The following PDZRN3 variants were observed in gnomAD, a reference collection of about 807,000 sequenced individuals.
PDZRN3 encodes E3 ubiquitin-protein ligase PDZRN3.
In PDZRN3, 38 loss-of-function variants were observed where a neutral mutation model predicts 85.7. That is an observed-to-expected ratio of 0.44 (90% CI 0.34 to 0.58). PDZRN3 has a LOEUF of 0.58. Among genes scored for constraint, PDZRN3 ranks in the 20% least tolerant of loss-of-function variants. PDZRN3 has a pLI of 0.01. For synonymous variants in PDZRN3, 759 were observed against 638.0 expected (o/e 1.19, Z -2.86); for missense variants, 1,629 against 1,506.4 (o/e 1.08, Z -1.35).
intron 3 of PDZRN3, among the ~76,000 whole-genome samples, chr3:73,525,017 GTATT>G (rs2106739104): frequency 6.8e-6 from 1 of 147,844 alleles, no homozygotes; most frequent in East Asian, 2.0e-4. Context: ...AAATATATAT[GTATT>G]TATATAAATA....
At chr3:73,593,664 T>C (rs558105183) in intron 3 of PDZRN3, among the ~76,000 whole-genome samples, 1 of 151,294 alleles carries the variant, frequency 6.6e-6, no homozygotes, top group Admixed American at 6.6e-5. Flanking sequence ...AAAGACACTT[T>C]TAAATTACCA....
chr3:73,416,875 G>GTTTTTTTTTTTTTTTTTTTTTTTTTTT (rs1491373717), intron 3 of PDZRN3, among the ~76,000 whole-genome samples: 5 of 40,750 alleles, frequency 1.2e-4, no homozygotes, highest in Non-Finnish European at 2.6e-4. Context: ...GTTTTTTTTT[G>GTTTTTTTTTTTTTTTTTTTTTTTTTTT]GTTTTTTTTT....
intron 3 of PDZRN3, among the ~76,000 whole-genome samples, chr3:73,530,001 C>T (rs1175255902): frequency 6.6e-6 from 1 of 152,214 alleles, no homozygotes; most frequent in Non-Finnish European, 1.5e-5. Context: ...TAAATGTTAG[C>T]TGTCACCATC....
intron 1 of PDZRN3, among the ~76,000 whole-genome samples, chr3:73,612,081 T>C (rs938551756): frequency 2.2e-5 from 3 of 136,188 alleles, no homozygotes; most frequent in Non-Finnish European, 4.4e-5. Flanking sequence ...TTGGGTAGTT[T>C]ATCATAACCC....
chr3:73,624,474 C>T lies in PDZRN3; in HGVS notation c.352G>A (p.Gly118Ser). ...ACGTCGCGCCGCAGCAGCACCTGGC[C>T]GCAACCCGCGTGGCGACAGCGCGCG... ...APARCRHAGC[G>S]QVLLRRDVEA... The change falls in exon 1 of 10, where the codon GGC becomes AGC. Residue 118 changes from glycine to serine, a missense_variant. Physicochemically the swap from Gly to Ser is moderately conservative, Grantham distance 56. Transcript: ENST00000263666. 2.2e-6 allele frequency: 3 copies of T among 1,393,386 alleles called. No homozygotes were observed. Among genetic ancestry groups the T allele is most frequent in the Non-Finnish European group, 2.8e-6 (3 of 1,082,028 alleles). 86.3% of individuals were successfully genotyped at this position (1,393,386 alleles called of 1,614,324 possible). A position where few individuals can be genotyped will look rare whatever the true frequency, so the allele number is the denominator to read the frequency against.
At chr3:73,566,876 T>G (rs1012349059) in intron 3 of PDZRN3, among the ~76,000 whole-genome samples, 1 of 152,174 alleles carries the variant, frequency 6.6e-6, no homozygotes, top group East Asian at 1.9e-4. Context: ...ATTTTGACCA[T>G]GAGGAGACTA....
chr3:73,561,749 C>T (rs979662077), intron 3 of PDZRN3: 1 of 152,066 alleles, frequency 6.6e-6, no homozygotes, highest in Non-Finnish European at 1.5e-5. Flanking sequence ...ACTTGTCTAC[C>T]CCATTTTCTG....
intron 5 of PDZRN3, among the ~76,000 whole-genome samples, chr3:73,399,835 C>A (rs1042886894): frequency 2.0e-5 from 3 of 152,152 alleles, no homozygotes; most frequent in Admixed American, 1.3e-4. Context: ...CCACTGGCAA[C>A]AAGTCCTTTG....
At chr3:73,593,486 C>CG (rs1290367996) in intron 3 of PDZRN3, among the ~76,000 whole-genome samples, 1 of 152,066 alleles carries the variant, frequency 6.6e-6, no homozygotes, top group Non-Finnish European at 1.5e-5. Flanking sequence ...AGACACTCTG[C>CG]CAAAGAGAAG....
intron 3 of PDZRN3, among the ~76,000 whole-genome samples, chr3:73,495,182 T>C (rs1157048296): frequency 6.6e-6 from 1 of 152,190 alleles, no homozygotes; most frequent in African/African-American, 2.4e-5. Flanking sequence ...TGAAAAACAA[T>C]CATTTTACAA....
At position 73,383,759 on chromosome 3, in the gene PDZRN3, C is replaced by T. The variant is rs1329969148; in HGVS notation, c.2807G>A (p.Arg936Lys). The stretch of plus-strand genomic sequence containing the variant: ...CCGCAGCAGGCGGTCCCGCACGGGC[C>T]TCTTGGTGATGTAGCGCGTCCCGTC... ...RSDGTRYITK[R>K]PVRDRLLRER... Residue 936 changes from arginine to lysine, a missense_variant, in exon 10 of 10, where the codon AGG (arginine) becomes AAG (lysine). Physicochemically the swap from Arg to Lys is conservative, Grantham distance 26. Coordinates refer to ENST00000263666, the MANE Select transcript of PDZRN3 (RefSeq NM_015009.3). The T allele has an allele frequency of 5.6e-6, 9 of 1,612,818 alleles. No homozygotes were observed. Among genetic ancestry groups the T allele is most frequent in the African/African-American group, 4.0e-5 (3 of 74,946 alleles).
intron 3 of PDZRN3, among the ~76,000 whole-genome samples, chr3:73,447,373 A>G (rs1477535681): frequency 2.0e-5 from 3 of 151,918 alleles, no homozygotes; most frequent in African/African-American, 7.3e-5. Flanking sequence ...CTCCAGGCCG[A>G]CAGAGGTTTC....
chr3:73,547,406 T>C (rs1233747862), intron 3 of PDZRN3, among the ~76,000 whole-genome samples: 1 of 152,220 alleles, frequency 6.6e-6, no homozygotes, highest in Non-Finnish European at 1.5e-5. Context: ...TCTGTCATGG[T>C]CCCAGTGAAA....
chr3:73,575,791 G>A, intron 3 of PDZRN3, among the ~76,000 whole-genome samples: 1 of 152,156 alleles, frequency 6.6e-6, no homozygotes, highest in East Asian at 1.9e-4. Flanking sequence ...ACAAACAGGA[G>A]ACCAAATTAA....
chr3:73,430,732 T>C (rs997295455), intron 3 of PDZRN3, among the ~76,000 whole-genome samples: 1 of 152,166 alleles, frequency 6.6e-6, no homozygotes, highest in South Asian at 2.1e-4. Flanking sequence ...CTTAGCTGGA[T>C]TCCAGCCACA....
At chr3:73,554,520 T>C (rs1264698517) in intron 3 of PDZRN3, among the ~76,000 whole-genome samples, 1 of 152,064 alleles carries the variant, frequency 6.6e-6, no homozygotes, top group African/African-American at 2.4e-5. Flanking sequence ...TTTGCAACAG[T>C]GAAAAATCAG....
At chr3:73,427,529 T>C (rs1702341516) in intron 3 of PDZRN3, among the ~76,000 whole-genome samples, 1 of 152,090 alleles carries the variant, frequency 6.6e-6, no homozygotes, top group South Asian at 2.1e-4. Flanking sequence ...TTTTTCACTA[T>C]TCCATATGTT....
At chr3:73,547,730 G>A (rs1279244711) in intron 3 of PDZRN3, among the ~76,000 whole-genome samples, 5 of 152,164 alleles carry the variant, frequency 3.3e-5, no homozygotes, top group Non-Finnish European at 7.3e-5. Context: ...CAGAAAAAGG[G>A]TAAAGACAGT....
chr3:73,564,678 T>C (rs867079638), intron 3 of PDZRN3, among the ~76,000 whole-genome samples: 1 of 152,302 alleles, frequency 6.6e-6, no homozygotes, highest in South Asian at 2.1e-4. Flanking sequence ...TCATAAATAC[T>C]ATCCTTTCCC....
Sources: gnomAD v4.1 joint callset for allele counts (sites outside exome capture counted in the v4.1 genomes callset) on GRCh38, gnomAD v4.1.1 for gene constraint, MANE v1.5 for transcripts, NCBI Gene and HGNC (gene_info 2026-07-23, HGNC 2026-07-21) for gene names.